FAM120B: variants seen among roughly 807,000 people sequenced by gnomAD.
The protein encoded by FAM120B is family with sequence similarity 120 member B.
A neutral mutation model predicts 96.3 loss-of-function variants in FAM120B; 83 were observed. The ratio of observed to expected loss-of-function variants is 0.86; its 90% CI spans 0.72 to 1.03. The LOEUF (loss-of-function observed/expected upper bound fraction) is 1.03. Ranked by LOEUF, FAM120B falls within the 50% of genes least tolerant of loss-of-function variation. The pLI is 0.00. For synonymous variants in FAM120B, 407 were observed against 402.7 expected, an observed-to-expected ratio of 1.01 and a Z score of -0.13; for missense variants, 1,027 against 1,121.2, an observed-to-expected ratio of 0.92 and a Z score of 1.20.
intron 6 of FAM120B, among the ~76,000 whole-genome samples, chr6:170,378,406 C>G (rs1410546211): frequency 6.6e-6 from 1 of 152,222 alleles, no homozygotes; most frequent in Non-Finnish European, 1.5e-5. Context: ...ATGTGTAACT[C>G]AGAGTCCTCT....
At chr6:170,377,100 A>G (rs1583290742) in intron 6 of FAM120B, among the ~76,000 whole-genome samples, 1 of 129,118 alleles carries the variant, frequency 7.7e-6, no homozygotes, top group Admixed American at 7.6e-5. Context: ...GGTGCTGTGC[A>G]CACGCGTCCC....
chr6:170,317,034 C>T (rs563143829), intron 1 of FAM120B, among the ~76,000 whole-genome samples: 12 of 152,232 alleles, frequency 7.9e-5, no homozygotes, highest in African/African-American at 2.9e-4. Context: ...TGTTTGAGTT[C>T]CTAGATGAGA....
At chr6:170,342,401 C>T (rs1199853167) in intron 4 of FAM120B, among the ~76,000 whole-genome samples, 1 of 152,118 alleles carries the variant, frequency 6.6e-6, no homozygotes, top group Non-Finnish European at 1.5e-5. Context: ...AGGAAAATAA[C>T]CTTAAAATAA....
intron 9 of FAM120B, among the ~76,000 whole-genome samples, chr6:170,396,976 C>T (rs1188833839): frequency 2.6e-5 from 4 of 152,226 alleles, no homozygotes. Flanking sequence ...TGTGCTGTGG[C>T]TTTCCAGTTA....
intron 1 of FAM120B, among the ~76,000 whole-genome samples, chr6:170,313,909 G>A (rs1275422219): frequency 2.6e-5 from 4 of 152,354 alleles, no homozygotes; most frequent in South Asian, 4.1e-4. Flanking sequence ...TTGCCCTTGG[G>A]CTGTCTGTAA....
chr6:170,376,983 CGTCCCT>C (rs1789568314), intron 6 of FAM120B, among the ~76,000 whole-genome samples: 1 of 147,434 alleles, frequency 6.8e-6, no homozygotes, highest in African/African-American at 2.5e-5. Context: ...TGTGCACACG[CGTCCCT>C]AAACCCAGAC....
At chr6:170,386,190 G>A (rs1303436019) in intron 6 of FAM120B, among the ~76,000 whole-genome samples, 1 of 152,176 alleles carries the variant, frequency 6.6e-6, no homozygotes, top group Non-Finnish European at 1.5e-5. Flanking sequence ...GCGGGTGGAG[G>A]CACTGATCTG....
rs1458162862 is a variant in FAM120B at position 170,358,224 on chromosome 6, A to G, written c.2191-2A>G. On this transcript the variant is annotated splice_acceptor_variant, in intron 5 of 10. Transcript: ENST00000476287. LOFTEE classifies it high-confidence loss of function. ...ACACTGGCCTTTCTCTGTCCTTTTC[A>G]GGTGGACACGCTTTGCCTGGAGGAT... 1.9e-6 allele frequency: 3 copies of G among 1,592,550 alleles called. No homozygotes were observed. In the Admixed American group the frequency reaches 5.1e-5, roughly 27 times the overall value.
Position 170,318,600 on chromosome 6 carries a change from T to A in FAM120B, c.1210T>A (p.Cys404Ser). Residue 404 changes from cysteine to serine, a missense_variant, in exon 2 of 11, where the codon TGT (cysteine) becomes AGT (serine). By Grantham distance (112) the Cys-to-Ser change is moderately radical (BLOSUM62 -1). Around this residue, in one of 3 missense-constraint regions of FAM120B, gnomAD observed 880 missense variants for 980.9 expected, o/e 0.90. Transcript: ENST00000476287. ...TGAATCCAGGCGAGAAGTTCCCATG[T>A]GTTCAGACCCTGAACCCAGGCAAGA... ...GPESRREVPM[C>S]SDPEPRQEVP... 6.4e-7 allele frequency: 1 copy of A among 1,574,622 alleles called. No individual in the cohort carries two copies. Among genetic ancestry groups the A allele is most frequent in the Non-Finnish European group, 8.6e-7 (1 of 1,157,692 alleles).
At chr6:170,292,071 G>T (rs1483661976), upstream of FAM120B, among the ~76,000 whole-genome samples, 2 of 152,092 alleles carry the variant, frequency 1.3e-5, no homozygotes, top group Non-Finnish European at 2.9e-5. This position sits in a 1 kb window ranked among gnomAD's most constrained non-coding sequence, Gnocchi z 6.6. Flanking sequence ...CCTGCTCCCC[G>T]CACAATGCGG....
chr6:170,355,456 A>T (rs201964705), intron 5 of FAM120B, among the ~76,000 whole-genome samples: 2 of 152,168 alleles, frequency 1.3e-5, no homozygotes, highest in African/African-American at 4.8e-5. Context: ...CTCAGCAAAC[A>T]AACACAGGAA....
intron 3 of FAM120B, among the ~76,000 whole-genome samples, chr6:170,327,691 A>ATACACCGC (rs111528649): frequency 3.7e-5 from 5 of 136,856 alleles, no homozygotes; most frequent in African/African-American, 1.5e-4. Context: ...GGACATGACC[A>ATACACCGC]TACACCGCTG....
intron 3 of FAM120B, among the ~76,000 whole-genome samples, chr6:170,328,797 A>G (rs1177444872): frequency 6.6e-6 from 1 of 152,072 alleles, no homozygotes; most frequent in Non-Finnish European, 1.5e-5. Context: ...TCTCATGTCT[A>G]GCGTTTTTTG....
intron 1 of FAM120B, among the ~76,000 whole-genome samples, chr6:170,297,312 C>T (rs915043001): frequency 5.3e-5 from 8 of 152,230 alleles, no homozygotes; most frequent in African/African-American, 1.7e-4. Flanking sequence ...GCCGTGCTTC[C>T]CCGCCGCCCC....
rs1385283470 is a variant in FAM120B, at chr6:170,295,968, G to A, written c.48+515G>A. Among the ~76,000 whole-genome samples the A allele has an allele frequency of 6.6e-6, 1 of 151,934 alleles. No homozygotes were observed. The highest frequency in any genetic ancestry group is 1.5e-5 in the Non-Finnish European group (1 of 67,954). On this transcript the variant is annotated intron_variant, in intron 1 of 10. Coordinates refer to the FAM120B transcript ENST00000537664. This position sits in a 1 kb window ranked among gnomAD's most constrained non-coding sequence, Gnocchi z 7.8. ...CCCCGGCGCAGATGACGGCTCGGCA[G>A]CGGGCCCCCGCCCCCTCCTCTGCGC...
chr6:170,328,275 C>G (rs1253291871), intron 3 of FAM120B, among the ~76,000 whole-genome samples: 2 of 151,992 alleles, frequency 1.3e-5, no homozygotes, highest in African/African-American at 4.8e-5. Context: ...TTTTTTTAAA[C>G]TTCTTTGTTA....
rs1050062290 is a variant in FAM120B at position 170,367,723 on chromosome 6, T to C, written c.2283+9405T>C. On this transcript the variant is annotated intron_variant, in intron 6 of 10. Coordinates refer to ENST00000476287, the MANE Select transcript of FAM120B (RefSeq NM_032448.3). ...TAAAGACATTAGAGGGCTTTGGTAG[T>C]TAGTTTTCATGTCATTCCTTTGAGG... 4.6e-5 allele frequency among the ~76,000 whole-genome samples: 7 copies of C among 152,256 alleles called. No homozygotes were observed. In the South Asian group the frequency reaches 1.0e-3, roughly 22 times the overall value.
chr6:170,369,556 A>G (rs905626623), intron 6 of FAM120B, among the ~76,000 whole-genome samples: 13 of 152,228 alleles, frequency 8.5e-5, no homozygotes, highest in African/African-American at 2.7e-4. Flanking sequence ...GAGGAAGTCA[A>G]CTGGAAAGGT....
chr6:170,327,297 C>T (rs962395871), intron 3 of FAM120B, among the ~76,000 whole-genome samples: 4 of 152,292 alleles, frequency 2.6e-5, no homozygotes, highest in Admixed American at 1.3e-4. Flanking sequence ...CCGCCCACCT[C>T]GGCCTCCCAA....
Sources: gnomAD v4.1 joint callset for allele counts (sites outside exome capture counted in the v4.1 genomes callset) on GRCh38, gnomAD v4.1.1 for gene constraint, gnomAD v4.1.1 regional missense constraint, Gnocchi (gnomAD v3.1) non-coding constraint, MANE v1.5 for transcripts, NCBI Gene and HGNC (gene_info 2026-07-23, HGNC 2026-07-21) for gene names.